Variants in GP2 observed in about 807,000 individuals in gnomAD.
GP2 encodes the protein pancreatic secretory granule membrane major glycoprotein GP2.
A neutral mutation model predicts 60.8 loss-of-function variants in GP2; 58 were observed. That is an observed-to-expected ratio of 0.95 (90% CI 0.77 to 1.19). GP2 has a LOEUF of 1.19. GP2 is among the 50% of genes most tolerant of loss of function. GP2 has a pLI of 0.00. For missense variants in GP2, 647 were observed against 667.4 expected (o/e 0.97, Z 0.34); for synonymous variants, 280 against 253.4 (o/e 1.10, Z -1.00).
intron 3 of GP2, chr16:20,323,514 C>T (rs1964437072): frequency 1.3e-5 from 7 of 521,370 alleles, no homozygotes; most frequent in Non-Finnish European, 2.2e-5. Flanking sequence ...CAGATCAGAA[C>T]ACTGAGGCTC....
chr16:20,311,700 G>C (rs566736729), intron 10 of GP2, among the ~76,000 whole-genome samples: 50 of 152,174 alleles, frequency 3.3e-4, no homozygotes, highest in Non-Finnish European at 6.3e-4. Flanking sequence ...GAAGTTACCA[G>C]AAGGTAGTAG....
chr16:20,314,128 G>C (rs1567285338), intron 10 of GP2, among the ~76,000 whole-genome samples: 2 of 151,648 alleles, frequency 1.3e-5, no homozygotes, highest in Admixed American at 6.6e-5. Flanking sequence ...ATGCATGCGG[G>C]ACTTAAAACC....
intron 3 of GP2, 178 bp downstream of exon 3, chr16:20,323,638 C>T: frequency 1.6e-6 from 1 of 607,480 alleles, no homozygotes; most frequent in Non-Finnish European, 3.0e-6. Flanking sequence ...ATGGGAATTT[C>T]TGGCTTGAAA....
At chr16:20,324,809 T>C (rs111355654) in intron 2 of GP2, among the ~76,000 whole-genome samples, 234 of 152,366 alleles carry the variant, frequency 1.5e-3, no homozygotes, top group Non-Finnish European at 2.8e-3. Context: ...ACATAGACAT[T>C]TTTCCATACC....
intron 5 of GP2, among the ~76,000 whole-genome samples, 168 bp downstream of exon 5, chr16:20,320,094 C>T (rs543064997): frequency 6.6e-6 from 1 of 152,296 alleles, no homozygotes; most frequent in Admixed American, 6.5e-5. Context: ...ATGAAACTCA[C>T]ATGTCAGACT....
At chr16:20,326,630 C>A in intron 1 of GP2, 163 bp from the exon 2 acceptor site, 1 of 605,570 alleles carries the variant, frequency 1.7e-6, no homozygotes, top group Non-Finnish European at 2.9e-6. Flanking sequence ...GTAAGCAAAC[C>A]AAAGGCAAGC....
rs561824582 is a variant in GP2 at position 20,323,490 on chromosome 16, C to G, written c.535+326G>C. The G allele has an allele frequency of 2.5e-3, 1,536 of 618,304 alleles. 17 individuals are homozygous for G. Among genetic ancestry groups the G allele is most frequent in the African/African-American group, 0.023 (1,269 of 55,642 alleles). 38.3% of individuals were successfully genotyped at this position (618,304 alleles called of 1,614,324 possible). A position where few individuals can be genotyped will look rare whatever the true frequency, so the allele number is the denominator to read the frequency against. The stretch of plus-strand genomic sequence containing the variant: ...TTAGCTGTTATTTTTGCTGTACCCC[C>G]CCCCCCTTTTTTTCAGATCAGAACA... On this transcript the variant is annotated intron_variant, in intron 3 of 10. Coordinates refer to ENST00000302555, the MANE Select transcript of GP2 (RefSeq NM_001502.4).
rs762485160 is a variant in GP2, at chr16:20,324,076, C to A, written c.275G>T (p.Trp92Leu). 6.2e-7 allele frequency: 1 copy of A among 1,613,994 alleles called. No homozygotes were observed. The highest frequency in any genetic ancestry group is 8.5e-7 in the Non-Finnish European group (1 of 1,179,832). ...TCCTCCTTCCCCTACAAAGCGGTAC[C>A]AGCCGCTCATGTTTTTATCGCACCC... ...SQGCDKNMSG[W>L]YRFVGEGGVR... is the part of the protein sequence containing the mutation. The change falls in exon 3 of 11, where the codon TGG (tryptophan) becomes TTG (leucine). Residue 92 changes from tryptophan to leucine, a missense_variant. Trp to Leu is a moderately conservative substitution (Grantham distance 61). Transcript: ENST00000302555.
At chr16:20,321,641 A>G (rs959878436) in intron 4 of GP2, among the ~76,000 whole-genome samples, 2 of 152,180 alleles carry the variant, frequency 1.3e-5, no homozygotes, top group African/African-American at 4.8e-5. Flanking sequence ...ATCCCAGGCT[A>G]AGGGAACAGG....
intron 6 of GP2, among the ~76,000 whole-genome samples, chr16:20,319,419 G>A (rs1286986849): frequency 2.0e-5 from 3 of 152,150 alleles, no homozygotes; most frequent in Admixed American, 6.5e-5. Context: ...TAATAGCCAC[G>A]GAATAGTCTA....
chr16:20,314,819 G>T, intron 9 of GP2, 118 bp from the exon 10 acceptor site: 1 of 774,006 alleles, frequency 1.3e-6, no homozygotes, highest in Non-Finnish European at 2.3e-6. Context: ...CAGCAAGTTT[G>T]TGGCCACATT....
intron 3 of GP2, chr16:20,323,496 C>CCT (rs1555483075): frequency 1.6e-5 from 6 of 379,018 alleles, no homozygotes; most frequent in Non-Finnish European, 2.1e-5. Flanking sequence ...CCCCCCCCCC[C>CCT]TTTTTTTCAG....
intron 5 of GP2, among the ~76,000 whole-genome samples, chr16:20,320,050 C>A (rs560507811): frequency 6.6e-6 from 1 of 152,304 alleles, no homozygotes; most frequent in South Asian, 2.1e-4. Context: ...CCCACCATCC[C>A]TAATTGAAAT....
chr16:20,317,780 A>C (rs1009693555), intron 7 of GP2, among the ~76,000 whole-genome samples: 1 of 152,192 alleles, frequency 6.6e-6, no homozygotes, highest in Admixed American at 6.5e-5. Context: ...TTATTACTAT[A>C]ATTTAAATCA....
intron 10 of GP2, among the ~76,000 whole-genome samples, chr16:20,312,509 T>C (rs765218993): frequency 6.6e-6 from 1 of 152,160 alleles, no homozygotes; most frequent in Non-Finnish European, 1.5e-5. Context: ...ATCCCCTCCT[T>C]GTCCAGAAGC....
At chr16:20,326,244 C>A in intron 2 of GP2, 94 bp downstream of exon 2, 1 of 1,121,520 alleles carries the variant, frequency 8.9e-7, no homozygotes, top group Non-Finnish European at 1.3e-6. Context: ...ACTGCCAATT[C>A]CTCTTCCTTA....
intron 4 of GP2, among the ~76,000 whole-genome samples, chr16:20,321,002 A>C (rs1442162053): frequency 6.6e-6 from 1 of 151,732 alleles, no homozygotes; most frequent in Non-Finnish European, 1.5e-5. Context: ...TCATTAATGC[A>C]TTGATTCAAT....
intron 8 of GP2, among the ~76,000 whole-genome samples, chr16:20,316,297 A>G (rs1241279167): frequency 6.6e-6 from 1 of 152,258 alleles, no homozygotes; most frequent in African/African-American, 2.4e-5. Flanking sequence ...CCTTTCTACA[A>G]TAACTAAATA....
intron 8 of GP2, among the ~76,000 whole-genome samples, chr16:20,316,522 G>A (rs1964179471): frequency 1.3e-5 from 2 of 152,206 alleles, no homozygotes; most frequent in Admixed American, 1.3e-4. Context: ...CCTCACAGTG[G>A]AGTAGGCAAA....
Sources: gnomAD v4.1 joint callset for allele counts (sites outside exome capture counted in the v4.1 genomes callset) on GRCh38, gnomAD v4.1.1 for gene constraint, MANE v1.5 for transcripts, NCBI Gene and HGNC (gene_info 2026-07-23, HGNC 2026-07-21) for gene names.